Variants in PWWP2A observed in about 807,000 individuals in gnomAD.
PWWP2A encodes PWWP domain containing 2A.
A neutral mutation model predicts 48.5 loss-of-function variants in PWWP2A; 18 were observed. The observed-to-expected ratio is 0.37, with a 90% confidence interval of 0.26 to 0.55. The LOEUF is 0.55. Ranked by LOEUF, PWWP2A falls within the 20% of genes least tolerant of loss-of-function variation. The pLI is 0.81. For missense variants in PWWP2A, 867 were observed against 976.4 expected (o/e 0.89, Z 1.49); for synonymous variants, 396 against 387.7 (o/e 1.02, Z -0.25).
At chr5:160,080,789 A>G (rs1754173065) in intron 2 of PWWP2A, 7 of 1,497,924 alleles carry the variant, frequency 4.7e-6, no homozygotes, top group Non-Finnish European at 6.3e-6. Context: ...GAAAAAACCA[A>G]GTTAACAAAA....
At chr5:160,056,805 G>A (rs1581124257), downstream of PWWP2A, among the ~76,000 whole-genome samples, 1 of 152,216 alleles carries the variant, frequency 6.6e-6, no homozygotes, top group Admixed American at 6.5e-5. Flanking sequence ...ACATGTCATT[G>A]CCAAGTTCAG....
chr5:160,064,883 G>A, intron 4 of PWWP2A: 2 of 1,576,582 alleles, frequency 1.3e-6, no homozygotes, highest in Non-Finnish European at 1.7e-6. Flanking sequence ...GTACCTTCCT[G>A]CTTCTGTTCA....
downstream of PWWP2A, chr5:160,090,281 C>T (rs545158628): frequency 6.1e-6 from 6 of 985,256 alleles, no homozygotes; most frequent in East Asian, 6.8e-4. Flanking sequence ...CTACTTCAAA[C>T]TACTGTTAAA....
chr5:160,100,889 C>G (rs763578398), intron 1 of PWWP2A, among the ~76,000 whole-genome samples: 3 of 151,962 alleles, frequency 2.0e-5, no homozygotes, highest in Admixed American at 6.6e-5. Flanking sequence ...GGTACATATC[C>G]AAAAGAATTG....
chr5:160,047,933 G>A, the PWWP2A span, among the ~76,000 whole-genome samples: 105,096 of 151,876 alleles, frequency 0.69, 36,540 homozygotes, highest in African/African-American at 0.77. Context: ...ATACCTGTCT[G>A]TTCTTGCCTA....
At chr5:160,110,550 T>C (rs1419038343) in intron 1 of PWWP2A, among the ~76,000 whole-genome samples, 2 of 149,734 alleles carry the variant, frequency 1.3e-5, no homozygotes, top group Admixed American at 1.3e-4. Flanking sequence ...CTTCTAAAAA[T>C]ACAAAATTAG....
Position 160,093,085 on chromosome 5 carries a change from T to A in PWWP2A, c.1565A>T (p.Glu522Val). Residue 522 changes from glutamate to valine, a missense_variant, in exon 2 of 2, where the codon GAA (glutamate) becomes GTA (valine). By Grantham distance (121) the Glu-to-Val change is moderately radical. This residue lies in a region of PWWP2A where 382 missense variants were observed against 407.2 expected (regional missense o/e 0.94). Transcript: ENST00000307063. The surrounding 1 kb of genome is among the most constrained non-coding windows in gnomAD (Gnocchi z 5.8). ...AGGGCCTTTTGAGGGACTCTGATTT[T>A]CTGAAGGGGCCTCACCTGCTGAGCG... ...STRSAGEAPSENQSPSKGPEE... is the reference protein window; with the variant it reads ...STRSAGEAPSVNQSPSKGPEE... 1 of 1,613,766 alleles carries A rather than the reference T, an allele frequency of 6.2e-7. No individual in the cohort carries two copies. Among genetic ancestry groups the A allele is most frequent in the East Asian group, 2.2e-5 (1 of 44,878 alleles).
chr5:160,115,082 G>A (rs887967229), intron 1 of PWWP2A, among the ~76,000 whole-genome samples: 2 of 139,110 alleles, frequency 1.4e-5, no homozygotes, highest in African/African-American at 2.7e-5. Flanking sequence ...AGAGGATGCA[G>A]AGAGCTGAGA....
intron 2 of PWWP2A, among the ~76,000 whole-genome samples, chr5:160,085,080 G>T (rs1165322082): frequency 6.6e-6 from 1 of 152,120 alleles, no homozygotes; most frequent in Non-Finnish European, 1.5e-5. Flanking sequence ...CCAGGCTGGA[G>T]TGTGGTGGCA....
rs371631624 is a variant in PWWP2A, at chr5:160,094,101, A to C, written c.585-36T>G. On this transcript the variant is annotated intron_variant, in intron 1 of 1. Transcript: ENST00000307063. Reference sequence around the variant, plus strand: ...AATGGAAGAAAAAAAGAAGACATTAAGTTAACATCTATAATTCAATTTCTT... The same window carrying C: ...AATGGAAGAAAAAAAGAAGACATTACGTTAACATCTATAATTCAATTTCTT... The C allele has an allele frequency of 1.7e-4, 264 of 1,526,988 alleles. 1 individual carries two copies. In the African/African-American group the frequency reaches 3.3e-3, roughly 19 times the overall value. The allele number at this position is 1,526,988 out of a possible 1,614,324, so 94.6% of individuals were successfully genotyped here.
intron 1 of PWWP2A, among the ~76,000 whole-genome samples, chr5:160,106,776 T>C (rs1036607607): frequency 1.3e-5 from 2 of 151,940 alleles, no homozygotes; most frequent in Non-Finnish European, 2.9e-5. Flanking sequence ...ACATGATACA[T>C]TGCTTAGTTT....
At chr5:160,087,997 GC>G (rs1280487705), downstream of PWWP2A, among the ~76,000 whole-genome samples, 1 of 152,112 alleles carries the variant, frequency 6.6e-6, no homozygotes, top group Non-Finnish European at 1.5e-5. Flanking sequence ...TTCAAAAATA[GC>G]ACAACAAAGC....
chr5:160,090,727 A>G (rs1369913671), downstream of PWWP2A: 3 of 956,824 alleles, frequency 3.1e-6, no homozygotes, highest in South Asian at 1.5e-4. Context: ...TTCAAATTGG[A>G]TTTAGAAATC....
At chr5:160,045,513 C>T in the PWWP2A span, among the ~76,000 whole-genome samples, 14 of 50,338 alleles carry the variant, frequency 2.8e-4, no homozygotes, top group Admixed American at 1.1e-3. Context: ...CACACACACA[C>T]ATACACACTC....
downstream of PWWP2A, among the ~76,000 whole-genome samples, chr5:160,088,832 A>G (rs1469578617): frequency 2.0e-5 from 3 of 152,256 alleles, no homozygotes; most frequent in South Asian, 4.1e-4. Context: ...GATACAAATT[A>G]TAGACTTAAG....
At chr5:160,057,849 A>G (rs910603698), downstream of PWWP2A, among the ~76,000 whole-genome samples, 31 of 152,000 alleles carry the variant, frequency 2.0e-4, no homozygotes, top group African/African-American at 5.8e-4. The surrounding 1 kb of genome is among the most constrained non-coding windows in gnomAD (Gnocchi z 4.4). Context: ...GCTCACTGCA[A>G]CCCCGCCTCC....
intron 1 of PWWP2A, chr5:160,116,742 G>C (rs2113693140): frequency 1.0e-6 from 1 of 984,954 alleles, no homozygotes; most frequent in African/African-American, 1.7e-5. Context: ...ACAATCACTG[G>C]CCATCTCTTC....
chr5:160,045,455 CACACACACACACACACACACACACA>C, the PWWP2A span, among the ~76,000 whole-genome samples: 1 of 7,756 alleles, frequency 1.3e-4, no homozygotes, highest in Non-Finnish European at 2.4e-4. Flanking sequence ...CCCCACCCTC[CACACACACACACACACACACACACA>C]CACACACACA....
intron 4 of PWWP2A, among the ~76,000 whole-genome samples, chr5:160,063,843 C>T (rs879819773): frequency 4.0e-5 from 6 of 151,632 alleles, no homozygotes; most frequent in Admixed American, 3.9e-4. Flanking sequence ...AGTCTCACTG[C>T]GTTGCTCGGG....
Sources: gnomAD v4.1 joint callset for allele counts (sites outside exome capture counted in the v4.1 genomes callset) on GRCh38, gnomAD v4.1.1 for gene constraint, gnomAD v4.1.1 regional missense constraint, Gnocchi (gnomAD v3.1) non-coding constraint, MANE v1.5 for transcripts, NCBI Gene and HGNC (gene_info 2026-07-23, HGNC 2026-07-21) for gene names.